SIL1: variants seen among roughly 807,000 people sequenced by gnomAD.
SIL1 encodes the protein SIL1 nucleotide exchange factor.
A neutral mutation model predicts 49.1 loss-of-function variants in SIL1; 40 were observed. The observed-to-expected ratio is 0.81, with a 90% CI of 0.63 to 1.06. SIL1 has a LOEUF of 1.06. Ranked by LOEUF, SIL1 falls within the 50% of genes least tolerant of loss-of-function variation. The pLI is 0.00. For missense variants in SIL1, 500 were observed against 572.6 expected (o/e 0.87, Z 1.29); for synonymous variants, 253 against 250.8 (o/e 1.01, Z -0.08).
chr5:139,159,784 C>T (rs1581140921), intron 1 of SIL1, among the ~76,000 whole-genome samples: 1 of 152,132 alleles, frequency 6.6e-6, no homozygotes, highest in East Asian at 1.9e-4. Flanking sequence ...GTGAAGAATA[C>T]AGAGGCTGAT....
intron 3 of SIL1, among the ~76,000 whole-genome samples, chr5:139,118,665 A>G (rs1035505506): frequency 1.3e-5 from 2 of 152,072 alleles, no homozygotes; most frequent in Non-Finnish European, 2.9e-5. Flanking sequence ...ATTCCTTTTA[A>G]TCTTTAGGTA....
At chr5:139,100,839 C>T (rs775273241) in intron 3 of SIL1, among the ~76,000 whole-genome samples, 46 of 151,880 alleles carry the variant, frequency 3.0e-4, no homozygotes, top group Non-Finnish European at 4.3e-4. Context: ...CAGTTTTAGA[C>T]ATGTTAAATT....
chr5:139,019,094 C>T (rs1768462685), intron 7 of SIL1, among the ~76,000 whole-genome samples: 2 of 152,202 alleles, frequency 1.3e-5, no homozygotes, highest in African/African-American at 4.8e-5. Context: ...AGTGCTAGGA[C>T]TCCATGATTC....
intron 4 of SIL1, among the ~76,000 whole-genome samples, chr5:139,045,564 A>C (rs2150448634): frequency 6.6e-6 from 1 of 152,236 alleles, no homozygotes. Flanking sequence ...AGTAATCTCC[A>C]CATTTACATC....
At chr5:139,018,704 T>C (rs1400101237) in intron 7 of SIL1, among the ~76,000 whole-genome samples, 1 of 141,462 alleles carries the variant, frequency 7.1e-6, no homozygotes, top group Non-Finnish European at 1.5e-5. Context: ...AGAAAAGAAA[T>C]AAGAATTACT....
chr5:138,981,878 T>C (rs916301122), intron 7 of SIL1, among the ~76,000 whole-genome samples: 4 of 152,106 alleles, frequency 2.6e-5, no homozygotes, highest in Admixed American at 2.0e-4. Context: ...GGCACCACAC[T>C]GTGGTTAGAA....
chr5:139,003,894 A>G (rs1190979880), intron 7 of SIL1, among the ~76,000 whole-genome samples: 3 of 152,222 alleles, frequency 2.0e-5, no homozygotes, highest in African/African-American at 2.4e-5. Context: ...AAACAGGCAC[A>G]CCTGAAATAA....
At chr5:138,951,366 G>A (rs1473415487) in intron 8 of SIL1, 31 bp from the exon 9 acceptor site, 1 of 1,550,342 alleles carries the variant, frequency 6.5e-7, no homozygotes, top group South Asian at 1.2e-5. Context: ...GTAGGTGAGG[G>A]GCCAAGCGAG....
intron 3 of SIL1, among the ~76,000 whole-genome samples, chr5:139,087,694 G>A (rs968755143): frequency 4.6e-5 from 7 of 152,250 alleles, no homozygotes; most frequent in Non-Finnish European, 1.0e-4. Context: ...CAATAGAGGA[G>A]GTGAGGCTGA....
At chr5:139,189,764 T>C (rs1279658493) in intron 1 of SIL1, among the ~76,000 whole-genome samples, 2 of 152,288 alleles carry the variant, frequency 1.3e-5, no homozygotes, top group East Asian at 3.9e-4. Context: ...GAGGTTGCAG[T>C]GAGCCAAGAC....
chr5:139,184,878 C>T lies in SIL1; in HGVS notation c.-11+13391G>A, dbSNP rs562877324. Among the ~76,000 whole-genome samples the T allele has an allele frequency of 3.9e-5, 6 of 152,204 alleles. No homozygotes were observed. In the South Asian group the frequency reaches 1.2e-3, roughly 32 times the overall value. On this transcript the variant is annotated intron_variant, in intron 1 of 9. Coordinates refer to ENST00000394817, the MANE Select transcript of SIL1 (RefSeq NM_022464.5). Reference sequence around the variant, plus strand: ...GAGAGGCAGTCTACAGCGACTGGGTCCAGTTGTTTACAGAGAAATCCATAT... The same window carrying T: ...GAGAGGCAGTCTACAGCGACTGGGTTCAGTTGTTTACAGAGAAATCCATAT...
intron 5 of SIL1, among the ~76,000 whole-genome samples, chr5:139,027,963 G>A (rs1399201240): frequency 6.6e-6 from 1 of 152,120 alleles, no homozygotes; most frequent in African/African-American, 2.4e-5. Context: ...CAAGCTCCTA[G>A]CGGAGCAATC....
rs149778210 is a variant in SIL1, at chr5:139,191,365, T to C, written c.-11+6904A>G. ...TGTTGTCTGTATCGATTGTCCTACT[T>C]TATGTTATTCCACTGGGCTGAAGCC... On this transcript the variant is annotated intron_variant, in intron 1 of 9. Coordinates refer to ENST00000394817, the MANE Select transcript of SIL1 (RefSeq NM_022464.5). 3.3e-4 allele frequency among the ~76,000 whole-genome samples: 50 copies of C among 152,244 alleles called. No homozygotes were observed. The East Asian group carries it at 9.6e-3, about 29-fold the overall frequency.
chr5:139,150,375 C>T (rs1751272521), intron 1 of SIL1, among the ~76,000 whole-genome samples: 1 of 152,142 alleles, frequency 6.6e-6, no homozygotes, highest in Non-Finnish European at 1.5e-5. Flanking sequence ...AACCCAAGAG[C>T]TCTCAATCCC....
At chr5:139,137,544 T>C in intron 1 of SIL1, 1 of 494,184 alleles carries the variant, frequency 2.0e-6, no homozygotes, top group Non-Finnish European at 3.6e-6. Context: ...TTTATTATTA[T>C]TATACTTTAA....
intron 1 of SIL1, among the ~76,000 whole-genome samples, chr5:139,190,285 G>A (rs948741765): frequency 6.6e-6 from 1 of 152,150 alleles, no homozygotes; most frequent in African/African-American, 2.4e-5. Context: ...CACAAGTCTG[G>A]CCTGAGCACT....
At chr5:138,981,073 C>T (rs1016314454) in intron 7 of SIL1, among the ~76,000 whole-genome samples, 5 of 151,958 alleles carry the variant, frequency 3.3e-5, no homozygotes, top group Admixed American at 1.3e-4. Context: ...GCTCTGGTGG[C>T]GCATACTTGT....
intron 1 of SIL1, among the ~76,000 whole-genome samples, chr5:139,139,428 CCAT>C (rs1365464441): frequency 2.0e-5 from 3 of 152,172 alleles, no homozygotes; most frequent in Non-Finnish European, 4.4e-5. Flanking sequence ...GATTTCCAGT[CCAT>C]AGTTCTAAAG....
chr5:139,165,633 A>T (rs192181386), intron 1 of SIL1, among the ~76,000 whole-genome samples: 1 of 151,938 alleles, frequency 6.6e-6, no homozygotes, highest in East Asian at 1.9e-4. Flanking sequence ...TACAGGCCAA[A>T]CCAATGTCTG....
Sources: gnomAD v4.1 joint callset for allele counts (sites outside exome capture counted in the v4.1 genomes callset) on GRCh38, gnomAD v4.1.1 for gene constraint, MANE v1.5 for transcripts, NCBI Gene and HGNC (gene_info 2026-07-23, HGNC 2026-07-21) for gene names.